The following RYR2 variants were observed in gnomAD, a reference collection of about 807,000 sequenced individuals.
The protein encoded by RYR2 is cardiac muscle ryanodine receptor-calcium release channel.
In RYR2, 227 loss-of-function variants were observed where a neutral mutation model predicts 601.1. The ratio of observed to expected loss-of-function variants is 0.38; its 90% CI spans 0.34 to 0.42. The LOEUF (loss-of-function observed/expected upper bound fraction) is 0.42, where lower values mean the gene tolerates loss of function less well. RYR2 is among the 10% of genes least tolerant of loss of function. The probability of loss-of-function intolerance (pLI) is 1.00; values close to 1 mark genes in which losing one functional copy is unlikely to be tolerated. For synonymous variants in RYR2, 2,223 were observed against 2,175.1 expected (o/e 1.02, Z -0.61); for missense variants, 4,646 against 6,156.5 (o/e 0.75, Z 8.21).
chr1:237,189,432 C>T (rs369378155), intron 1 of RYR2, among the ~76,000 whole-genome samples: 1 of 152,246 alleles, frequency 6.6e-6, no homozygotes, highest in African/African-American at 2.4e-5. Context: ...ATACCCATGT[C>T]GTGGATGGAA....
chr1:237,549,232 A>G (rs1272393841), intron 26 of RYR2, among the ~76,000 whole-genome samples: 2 of 152,298 alleles, frequency 1.3e-5, no homozygotes, highest in East Asian at 3.9e-4. Flanking sequence ...AGGATTAGGT[A>G]TTCAGTACAA....
In RYR2 at chr1:237,674,201, A is replaced by G. The variant is rs1057524444; in HGVS notation, c.8696A>G (p.Asn2899Ser). Residue 2899 changes from asparagine (N) to serine (S), a missense_variant, in exon 59 of 105, where the codon AAT becomes AGT. This residue lies in a region of RYR2 where 1,497 missense variants were observed against 1,842.6 expected (regional missense o/e 0.81). Coordinates refer to ENST00000366574, the MANE Select transcript of RYR2 (RefSeq NM_001035.3). Reference sequence around the variant, plus strand: ...GACATCCTCAAGTTCTTGCAGATCAATGGATATGCTGTATCCAGGTAAAAG... The same window carrying G: ...GACATCCTCAAGTTCTTGCAGATCAGTGGATATGCTGTATCCAGGTAAAAG... ...AQDILKFLQI[N>S]GYAVSRGFKD... is the part of the protein sequence containing the mutation. 3.1e-6 allele frequency: 5 copies of G among 1,612,046 alleles called. No homozygotes were observed. The African/African-American group carries it at 4.0e-5, about 13-fold the overall frequency.
chr1:237,590,752 C>T lies in RYR2; in HGVS notation c.3920C>T (p.Pro1307Leu), dbSNP rs1412253468. The T allele has an allele frequency of 4.3e-6, 7 of 1,613,592 alleles. No homozygotes were observed. The highest frequency in any genetic ancestry group is 1.6e-4 in the Middle Eastern group (1 of 6,082). The change falls in exon 31 of 105, where the codon CCG (proline) becomes CTG (leucine). Residue 1307 changes from proline (P) to leucine (L), a missense_variant. Coordinates refer to ENST00000366574, the MANE Select transcript of RYR2 (RefSeq NM_001035.3). Reference sequence around the variant, plus strand: ...ATCATGTTTTATCGCCTGAGCATGCCGATCGAGTGCGCGGAGGTCTTCTCC... The same window carrying T: ...ATCATGTTTTATCGCCTGAGCATGCTGATCGAGTGCGCGGAGGTCTTCTCC... Reference protein sequence around the residue: ...TDIMFYRLSMPIECAEVFSKT... With the variant: ...TDIMFYRLSMLIECAEVFSKT...
intron 62 of RYR2, among the ~76,000 whole-genome samples, chr1:237,686,305 G>A (rs1573518242): frequency 6.6e-6 from 1 of 152,292 alleles, no homozygotes; most frequent in East Asian, 1.9e-4. Flanking sequence ...CTCTCTGAGA[G>A]CTGAGAAGAG....
chr1:237,331,967 T>C lies in RYR2; in HGVS notation c.273+985T>C, dbSNP rs1275078872. 6.6e-5 allele frequency among the ~76,000 whole-genome samples: 10 copies of C among 152,326 alleles called. No homozygotes were observed. The South Asian group carries it at 2.1e-3, about 32-fold the overall frequency. On this transcript the variant is annotated intron_variant, in intron 3 of 104. Coordinates refer to ENST00000366574, the MANE Select transcript of RYR2 (RefSeq NM_001035.3). The stretch of plus-strand genomic sequence containing the variant: ...GTTTAGAATTAAGCAGGAGGATTAA[T>C]GGTCAAATTTTTTGTTTCCAGGTTT...
rs952288986 is a variant in RYR2 at position 237,425,633 on chromosome 1, C to CA, written c.1005+2396dup. Among the ~76,000 whole-genome samples the CA allele has an allele frequency of 3.2e-3, 439 of 136,064 alleles. 2 individuals carry two copies. The highest frequency in any genetic ancestry group is 9.2e-3 in the African/African-American group (341 of 37,072). 89.3% of individuals were successfully genotyped at this position (136,064 alleles called of 152,430 possible). A position where few individuals can be genotyped will look rare whatever the true frequency, so the allele number is the denominator to read the frequency against. On this transcript the variant is annotated intron_variant, in intron 12 of 104. Transcript: ENST00000366574. ...TGGGCGATAGAGCAAGACTCTGTCT[C>CA]AAAAAAAAAAAGCTATAAGGAAGAT...
chr1:237,795,869 T>C (rs1015612833), intron 96 of RYR2, among the ~76,000 whole-genome samples: 5 of 143,774 alleles, frequency 3.5e-5, no homozygotes, highest in Non-Finnish European at 6.0e-5. Flanking sequence ...TATATATATA[T>C]ATATACACAT....
chr1:237,617,031 A>G (rs1463460460), intron 37 of RYR2, among the ~76,000 whole-genome samples: 1 of 152,204 alleles, frequency 6.6e-6, no homozygotes, highest in East Asian at 1.9e-4. Context: ...TTACAATTCA[A>G]GGTGAGATTT....
At chr1:237,476,122 G>A (rs888102559) in intron 17 of RYR2, among the ~76,000 whole-genome samples, 1 of 152,212 alleles carries the variant, frequency 6.6e-6, no homozygotes, top group Non-Finnish European at 1.5e-5. Context: ...GTTTTGCAGT[G>A]ATGAAAGTGG....
At position 237,705,210 on chromosome 1, in the gene RYR2, T is replaced by C. The variant is rs188671846; in HGVS notation, c.9450-3T>C. The C allele has an allele frequency of 3.0e-4, 480 of 1,606,270 alleles. 1 individual carries two copies. Among genetic ancestry groups the C allele is most frequent in the Admixed American group, 2.4e-3 (141 of 59,196 alleles). On this transcript the variant is annotated splice_region_variant and splice_polypyrimidine_tract_variant and intron_variant, in intron 66 of 104. Transcript: ENST00000366574. ...TTAAAACATAAGCATTTTCCACTTA[T>C]AGGCAACGTTCTGCATTAGGAGAAT... is the stretch of plus-strand genomic sequence containing the variant.
intron 17 of RYR2, among the ~76,000 whole-genome samples, chr1:237,477,658 G>A (rs149880009): frequency 1.3e-4 from 20 of 152,088 alleles, no homozygotes; most frequent in Non-Finnish European, 2.1e-4. Flanking sequence ...CTTGCTTTCC[G>A]TCAAGTTTAA....
rs1204666197 is a variant in RYR2, at chr1:237,350,623, ATATATATATATC to A, written c.274-5340_274-5329del. Among the ~76,000 whole-genome samples, 118 of 123,160 alleles carry A rather than the reference ATATATATATATC, an allele frequency of 9.6e-4. 4 individuals are homozygous for A. Among genetic ancestry groups the A allele is most frequent in the African/African-American group, 3.4e-3 (111 of 32,720 alleles). The allele number at this position is 123,160 out of a possible 152,430, so 80.8% of individuals were successfully genotyped here. A position where few individuals can be genotyped will look rare whatever the true frequency, so the allele number is the denominator to read the frequency against. ...AAAAAATATATATATATATATATATATATATATATATCTCTGACCTCTGAGAAAGAATTTAGG... is the reference window on the plus strand; with the variant it reads ...AAAAAATATATATATATATATATATATCTGACCTCTGAGAAAGAATTTAGG... On this transcript the variant is annotated intron_variant, in intron 3 of 104. Transcript: ENST00000366574.
In RYR2 at chr1:237,590,659, C is replaced by T. The variant is rs762899950; in HGVS notation, c.3827C>T (p.Thr1276Ile). Residue 1276 changes from threonine (T) to isoleucine (I), a missense_variant, in exon 31 of 105, where the codon ACC becomes ATC. Around this residue, in one of 17 missense-constraint regions of RYR2, gnomAD observed 1,807 missense variants for 2,088.1 expected, o/e 0.87. Transcript: ENST00000366574. Reference sequence around the variant, plus strand: ...TGCTAGGTGACCAGAATAGACGGCACCATAGACAGTTCCCCATGTTTAAAG... The same window carrying T: ...TGCTAGGTGACCAGAATAGACGGCATCATAGACAGTTCCCCATGTTTAAAG... ...EHIEVTRIDG[T>I]IDSSPCLKVT... The T allele has an allele frequency of 1.4e-5, 22 of 1,553,108 alleles. No homozygotes were observed. The highest frequency in any genetic ancestry group is 1.7e-4 in the Middle Eastern group (1 of 5,762).
chr1:237,109,871 A>G (rs960595827), intron 1 of RYR2, among the ~76,000 whole-genome samples: 1 of 151,948 alleles, frequency 6.6e-6, no homozygotes, highest in Non-Finnish European at 1.5e-5. Context: ...GTGTTCAGCA[A>G]TGTTCACTGA....
At chr1:237,222,367 C>T (rs1251723144) in intron 1 of RYR2, among the ~76,000 whole-genome samples, 1 of 150,738 alleles carries the variant, frequency 6.6e-6, no homozygotes, top group Non-Finnish European at 1.5e-5. Flanking sequence ...GAGCCAATAT[C>T]GCACCACTGA....
intron 12 of RYR2, among the ~76,000 whole-genome samples, chr1:237,431,195 C>T (rs1706769692): frequency 6.6e-6 from 1 of 152,110 alleles, no homozygotes. Flanking sequence ...TTTTTAATCA[C>T]AGTATATTTT....
intron 17 of RYR2, among the ~76,000 whole-genome samples, chr1:237,471,791 C>G (rs979729552): frequency 6.6e-6 from 1 of 151,118 alleles, no homozygotes; most frequent in African/African-American, 2.5e-5. Context: ...CTGTTGATTG[C>G]AGGCATTCCT....
chr1:237,388,305 T>C (rs1289194447), intron 10 of RYR2, 122 bp downstream of exon 10: 3 of 765,896 alleles, frequency 3.9e-6, no homozygotes, highest in Non-Finnish European at 2.2e-6. Flanking sequence ...CTGACATTCA[T>C]TGATTCACTG....
chr1:237,612,756 A>G (rs1041636234), intron 36 of RYR2, among the ~76,000 whole-genome samples: 4 of 152,188 alleles, frequency 2.6e-5, no homozygotes, highest in Non-Finnish European at 5.9e-5. Context: ...TTTTAACATT[A>G]TAATTTAACA....
Sources: allele counts gnomAD v4.1 joint callset (sites outside exome capture counted in the v4.1 genomes callset), GRCh38; gene constraint gnomAD v4.1.1; regional missense constraint gnomAD v4.1.1; transcripts MANE v1.5; gene names NCBI Gene and HGNC (gene_info 2026-07-23, HGNC 2026-07-21).